SCP2: variants seen among roughly 807,000 people sequenced by gnomAD.
The protein encoded by SCP2 is sterol carrier protein 2, also known as SCP-2/3-oxoacyl-CoA thiolase.
In SCP2, 48 loss-of-function variants were observed where a neutral mutation model predicts 71.4. The ratio of observed to expected loss-of-function variants is 0.67; its 90% CI spans 0.53 to 0.86. SCP2 has a LOEUF of 0.86. Ranked by LOEUF, SCP2 falls within the 40% of genes least tolerant of loss-of-function variation. The pLI is 0.00. For synonymous variants in SCP2, 220 were observed against 218.1 expected (o/e 1.01, Z -0.08); for missense variants, 560 against 655.6 (o/e 0.85, Z 1.59).
intron 14 of SCP2, among the ~76,000 whole-genome samples, chr1:53,045,686 T>A (rs905231673): frequency 2.0e-5 from 3 of 152,160 alleles, no homozygotes; most frequent in African/African-American, 2.4e-5. Flanking sequence ...CAGGTTTTTT[T>A]AAAAATCAGG....
chr1:52,954,715 C>T, intron 4 of SCP2, 25 bp from the exon 5 acceptor site: 2 of 1,603,786 alleles, frequency 1.2e-6, no homozygotes, highest in Non-Finnish European at 1.7e-6. Flanking sequence ...TTTGAATTTT[C>T]AAAATAATTA....
chr1:52,974,308 G>A (rs1657754682), intron 6 of SCP2, among the ~76,000 whole-genome samples: 1 of 151,848 alleles, frequency 6.6e-6, no homozygotes, highest in African/African-American at 2.4e-5. Context: ...TTTCTTATCA[G>A]GATATAACTC....
intron 8 of SCP2, among the ~76,000 whole-genome samples, chr1:52,977,310 A>G (rs952849140): frequency 1.3e-5 from 2 of 152,244 alleles, no homozygotes; most frequent in South Asian, 2.1e-4. Context: ...ATGGAAAGAA[A>G]TAAGTCGGGT....
At chr1:52,938,000 T>TATAAG (rs148505157) in intron 1 of SCP2, among the ~76,000 whole-genome samples, 5,268 of 152,270 alleles carry the variant, frequency 0.035, 311 homozygotes, top group African/African-American at 0.12. Flanking sequence ...CCCAGAGTCA[T>TATAAG]ATAACTTCTG....
At chr1:52,976,938 C>A (rs1167088104) in intron 8 of SCP2, among the ~76,000 whole-genome samples, 169 bp downstream of exon 8, 1 of 152,116 alleles carries the variant, frequency 6.6e-6, no homozygotes, top group African/African-American at 2.4e-5. Flanking sequence ...CTTCTTACTC[C>A]TGCCTGGAGA....
At chr1:53,039,183 C>T in intron 14 of SCP2, 137 bp downstream of exon 14, 1 of 1,101,982 alleles carries the variant, frequency 9.1e-7, no homozygotes, top group South Asian at 1.4e-5. Context: ...TTCCAGGGAA[C>T]AGGAACAGGT....
chr1:52,946,757 GT>G (rs1303602621), intron 2 of SCP2, among the ~76,000 whole-genome samples: 1 of 105,414 alleles, frequency 9.5e-6, no homozygotes. Context: ...ACATTTATAT[GT>G]TTAAAAAAAA....
chr1:52,954,219 T>C (rs1392930667), intron 4 of SCP2, among the ~76,000 whole-genome samples: 2 of 150,278 alleles, frequency 1.3e-5, no homozygotes, highest in African/African-American at 4.9e-5. Context: ...AGAGCTGAGG[T>C]GGGAGGATCG....
chr1:53,029,339 C>G (rs1662361516), intron 13 of SCP2, among the ~76,000 whole-genome samples: 1 of 150,884 alleles, frequency 6.6e-6, no homozygotes, highest in East Asian at 2.0e-4. Flanking sequence ...TCACGGCTCA[C>G]TGCAGCCTTG....
At chr1:52,951,035 C>T (rs1655247393) in intron 4 of SCP2, 149 bp downstream of exon 4, 1 of 857,044 alleles carries the variant, frequency 1.2e-6, no homozygotes, top group African/African-American at 1.7e-5. Context: ...AACCCTAGCA[C>T]TTTGGGAGGC....
At chr1:52,978,834 T>A in intron 9 of SCP2, among the ~76,000 whole-genome samples, 1 of 152,164 alleles carries the variant, frequency 6.6e-6, no homozygotes. Context: ...AATGCTGGGA[T>A]TACAGGCGTG....
chr1:52,985,301 C>T (rs577320456), intron 10 of SCP2, among the ~76,000 whole-genome samples: 1 of 152,236 alleles, frequency 6.6e-6, no homozygotes, highest in East Asian at 1.9e-4. Flanking sequence ...TTCAAACTTT[C>T]TCCTCCCTCA....
At chr1:52,939,760 C>A (rs1321715576) in intron 1 of SCP2, among the ~76,000 whole-genome samples, 1 of 152,170 alleles carries the variant, frequency 6.6e-6, no homozygotes. Context: ...CTCACTGCAA[C>A]CTCTGCCTCC....
chr1:52,952,422 T>C (rs1372233412), intron 4 of SCP2, among the ~76,000 whole-genome samples: 1 of 152,188 alleles, frequency 6.6e-6, no homozygotes, highest in Non-Finnish European at 1.5e-5. Context: ...AAATGAGGTC[T>C]TGCTATGTTG....
At chr1:52,969,200 TA>T (rs1360905497) in intron 6 of SCP2, among the ~76,000 whole-genome samples, 1 of 151,694 alleles carries the variant, frequency 6.6e-6, no homozygotes, top group Non-Finnish European at 1.5e-5. Flanking sequence ...CCATGCAGCT[TA>T]AACCTGTGTT....
chr1:52,960,245 T>C (rs1656217550), intron 5 of SCP2, among the ~76,000 whole-genome samples: 1 of 152,114 alleles, frequency 6.6e-6, no homozygotes, highest in Admixed American at 6.6e-5. Context: ...TTCATTCTGC[T>C]CATTTTCTAT....
At chr1:52,929,902 C>T (rs946082489) in intron 1 of SCP2, among the ~76,000 whole-genome samples, 4 of 152,216 alleles carry the variant, frequency 2.6e-5, no homozygotes, top group African/African-American at 4.8e-5. Context: ...GGATTACAGG[C>T]GTGAGCCACC....
In SCP2 at chr1:52,985,851, T is replaced by C. The variant is rs531453233; in HGVS notation, c.974-2178T>C. On this transcript the variant is annotated intron_variant, in intron 10 of 15. Transcript: ENST00000371514. ...ACTAATGTCCTTCTCAGTGGAAGCCTTCTCCGATCACTTTGTTTGAAATAT... is the reference window on the plus strand; with the variant it reads ...ACTAATGTCCTTCTCAGTGGAAGCCCTCTCCGATCACTTTGTTTGAAATAT... Among the ~76,000 whole-genome samples, 46 of 152,300 alleles carry C rather than the reference T, an allele frequency of 3.0e-4. No individual in the cohort carries two copies. In the South Asian group the frequency reaches 9.3e-3, roughly 31 times the overall value.
rs975527908 is a variant in SCP2, at chr1:52,998,901, A to G, written c.1081+10765A>G. Among the ~76,000 whole-genome samples the G allele has an allele frequency of 3.9e-5, 6 of 152,282 alleles. No homozygotes were observed. In the East Asian group the frequency reaches 9.7e-4, roughly 25 times the overall value. ...CTGGGTACTGAACAGGTAACCTAAA[A>G]CACCCCAGGAAGATAGAATTTACTC... On this transcript the variant is annotated intron_variant, in intron 11 of 15. Coordinates refer to ENST00000371514, the MANE Select transcript of SCP2 (RefSeq NM_002979.5).
Sources: allele counts gnomAD v4.1 joint callset (sites outside exome capture counted in the v4.1 genomes callset), GRCh38; gene constraint gnomAD v4.1.1; transcripts MANE v1.5; gene names NCBI Gene and HGNC (gene_info 2026-07-23, HGNC 2026-07-21).